The following HIBCH variants were observed in gnomAD, a reference collection of about 807,000 sequenced individuals.
HIBCH encodes 3-hydroxyisobutyryl-CoA hydrolase, also known as 3-hydroxyisobutyryl-CoA hydrolase, mitochondrial.
In HIBCH, 50 loss-of-function variants were observed where a neutral mutation model predicts 58.2. That is an observed-to-expected ratio of 0.86 (90% CI 0.68 to 1.09). HIBCH has a LOEUF of 1.09. Among genes scored for constraint, HIBCH ranks in the 50% least tolerant of loss-of-function variants. The probability of loss-of-function intolerance (pLI) is 0.00; values close to 1 mark genes in which losing one functional copy is unlikely to be tolerated. For missense variants in HIBCH, 450 were observed against 449.7 expected (o/e 1.00, Z -0.01); for synonymous variants, 151 against 146.9 (o/e 1.03, Z -0.20).
At chr2:190,314,367 AT>A (rs1688654546) in intron 1 of HIBCH, among the ~76,000 whole-genome samples, 1 of 87,124 alleles carries the variant, frequency 1.1e-5, no homozygotes, top group Non-Finnish European at 2.5e-5. Flanking sequence ...ACGTATATAT[AT>A]ACGTATATAT....
intron 7 of HIBCH, among the ~76,000 whole-genome samples, chr2:190,257,617 T>C (rs1210252301): frequency 6.6e-6 from 1 of 152,174 alleles, no homozygotes; most frequent in East Asian, 1.9e-4. Flanking sequence ...TCTTAGTCCA[T>C]TTTGTGTTGC....
rs7582209 is a variant in HIBCH, at chr2:190,244,722, G to A, written c.891+165C>T. Among the ~76,000 whole-genome samples, 48,254 of 152,048 alleles carry A rather than the reference G, an allele frequency of 0.32. 8,902 individuals carry two copies. The highest frequency in any genetic ancestry group is 0.49 in the African/African-American group (20,384 of 41,454). On this transcript the variant is annotated intron_variant, in intron 11 of 13. Transcript: ENST00000359678. ...AGACACGGCACTTGGATTTAGGTCA[G>A]GGTTAGTGGAACTGATTTCTGAAGC...
intron 11 of HIBCH, among the ~76,000 whole-genome samples, chr2:190,227,823 T>C (rs1685956048): frequency 6.6e-6 from 1 of 152,132 alleles, no homozygotes; most frequent in East Asian, 1.9e-4. Flanking sequence ...TCATTGGCCA[T>C]CAGAGAAATG....
In HIBCH at chr2:190,307,653, G is replaced by A. The variant is rs531737079; in HGVS notation, c.78+3101C>T. On this transcript the variant is annotated intron_variant, in intron 2 of 13. Transcript: ENST00000359678. ...CACTCCAGCCTGGGCAACACAGCAAGACCTTGTCTCAAACAATAACAAACA... is the reference window on the plus strand; with the variant it reads ...CACTCCAGCCTGGGCAACACAGCAAAACCTTGTCTCAAACAATAACAAACA... Among the ~76,000 whole-genome samples the A allele has an allele frequency of 2.5e-4, 38 of 152,234 alleles. No individual in the cohort carries two copies. The South Asian group carries it at 5.6e-3, about 22-fold the overall frequency.
At chr2:190,309,269 G>C (rs1030691862) in intron 2 of HIBCH, among the ~76,000 whole-genome samples, 1 of 152,120 alleles carries the variant, frequency 6.6e-6, no homozygotes, top group Non-Finnish European at 1.5e-5. Context: ...TGAGGTTTTA[G>C]AATTGCAAAT....
rs549639598 is a variant in HIBCH at position 190,229,481 on chromosome 2, A to G, written c.891+15406T>C. 5.9e-5 allele frequency among the ~76,000 whole-genome samples: 9 copies of G among 152,340 alleles called. No individual in the cohort carries two copies. The South Asian group carries it at 1.5e-3, about 25-fold the overall frequency. ...GATAAACTTTCTAATCCTTCAATTC[A>G]GAAACCAAATTCACTATTTCTAAAA... On this transcript the variant is annotated intron_variant, in intron 11 of 13. Transcript: ENST00000359678.
chr2:190,293,666 G>A (rs1688016616), intron 4 of HIBCH, among the ~76,000 whole-genome samples: 1 of 151,774 alleles, frequency 6.6e-6, no homozygotes, highest in Non-Finnish European at 1.5e-5. Flanking sequence ...TAAGTTTGGT[G>A]AACAAGCCCA....
rs943477513 is a variant in HIBCH at position 190,197,937 on chromosome 2, C to G, written c.*17+7163G>C. On this transcript the variant is annotated intron_variant, in intron 1 of 1. Transcript: ENST00000399855. The surrounding 1 kb of genome is among the most constrained non-coding windows in gnomAD (Gnocchi z 4.0). ...CTCCAAGTAATTTTTTTCAGGTTAA[C>G]CATGTCCAATTCCCTTAACCATCCC... is the stretch of plus-strand genomic sequence containing the variant. Among the ~76,000 whole-genome samples the G allele has an allele frequency of 7.2e-5, 11 of 152,096 alleles. No individual in the cohort carries two copies. The highest frequency in any genetic ancestry group is 2.7e-4 in the African/African-American group (11 of 41,424).
intron 1 of HIBCH, among the ~76,000 whole-genome samples, chr2:190,314,285 ATATATG>A (rs1688636728): frequency 7.4e-6 from 1 of 135,964 alleles, no homozygotes. Flanking sequence ...AAAAATATAT[ATATATG>A]TATATATACA....
chr2:190,208,833 C>T (rs753534134), intron 13 of HIBCH, 47 bp downstream of exon 13: 1 of 1,557,960 alleles, frequency 6.4e-7, no homozygotes, highest in Non-Finnish European at 8.9e-7. Flanking sequence ...AGCATATGCT[C>T]ACAAATCCCA....
intron 5 of HIBCH, among the ~76,000 whole-genome samples, chr2:190,287,899 G>A (rs1247882431): frequency 6.6e-6 from 1 of 152,140 alleles, no homozygotes; most frequent in African/African-American, 2.4e-5. Context: ...GCTGACACCT[G>A]TAATCTAACC....
Position 190,315,533 on chromosome 2 carries a change from CT to C in HIBCH, c.35+4182del, listed in dbSNP as rs2124875537. On this transcript the variant is annotated intron_variant, in intron 1 of 13. Transcript: ENST00000359678. The surrounding 1 kb of genome is among the most constrained non-coding windows in gnomAD (Gnocchi z 5.4). Reference sequence around the variant, plus strand: ...AGATGAGAACTTTATCACTCAGGAACTTTTTGCAATTATCCAATAAAACAAA... The same window carrying C: ...AGATGAGAACTTTATCACTCAGGAACTTTTGCAATTATCCAATAAAACAAA... 6.6e-6 allele frequency among the ~76,000 whole-genome samples: 1 copy of C among 152,290 alleles called. No individual in the cohort carries two copies. Among genetic ancestry groups the C allele is most frequent in the Non-Finnish European group, 1.5e-5 (1 of 68,022 alleles).
chr2:190,229,598 A>G (rs924912587), intron 11 of HIBCH, among the ~76,000 whole-genome samples: 2 of 152,256 alleles, frequency 1.3e-5, no homozygotes, highest in Non-Finnish European at 2.9e-5. Flanking sequence ...TGTTCTTTCC[A>G]CATTACAGAG....
intron 6 of HIBCH, among the ~76,000 whole-genome samples, chr2:190,268,806 A>G (rs1687312285): frequency 6.6e-6 from 1 of 152,220 alleles, no homozygotes; most frequent in South Asian, 2.1e-4. Flanking sequence ...GAGTAGCCCA[A>G]TATTAATTTT....
At chr2:190,285,258 T>C (rs1292101330) in intron 6 of HIBCH, among the ~76,000 whole-genome samples, 1 of 152,272 alleles carries the variant, frequency 6.6e-6, no homozygotes, top group Non-Finnish European at 1.5e-5. Context: ...ATTTCTTTCC[T>C]GTTTTAATGG....
At chr2:190,230,976 G>GT (rs1559023089) in intron 11 of HIBCH, among the ~76,000 whole-genome samples, 2 of 152,016 alleles carry the variant, frequency 1.3e-5, no homozygotes, top group Admixed American at 6.6e-5. Flanking sequence ...TGTAAAACAC[G>GT]TATCACGAAA....
At chr2:190,284,712 C>CA (rs913276052) in intron 6 of HIBCH, among the ~76,000 whole-genome samples, 2 of 152,154 alleles carry the variant, frequency 1.3e-5, no homozygotes, top group African/African-American at 4.8e-5. Flanking sequence ...CTAATCACCC[C>CA]ATTTACCTTG....
chr2:190,218,981 G>A (rs1685640611), intron 11 of HIBCH, among the ~76,000 whole-genome samples: 1 of 152,158 alleles, frequency 6.6e-6, no homozygotes, highest in Non-Finnish European at 1.5e-5. Flanking sequence ...TCAAACAAAG[G>A]CAACTACTCA....
chr2:190,267,143 G>A (rs867444989), intron 6 of HIBCH, among the ~76,000 whole-genome samples: 4 of 152,110 alleles, frequency 2.6e-5, no homozygotes, highest in Admixed American at 6.6e-5. Flanking sequence ...TCTAGGTGAA[G>A]CTGGGGTGAT....
Sources: gnomAD v4.1 joint callset for allele counts (sites outside exome capture counted in the v4.1 genomes callset) on GRCh38, gnomAD v4.1.1 for gene constraint, Gnocchi (gnomAD v3.1) non-coding constraint, MANE v1.5 for transcripts, NCBI Gene and HGNC (gene_info 2026-07-23, HGNC 2026-07-21) for gene names.